Variants in MCHR2 observed in about 807,000 individuals in gnomAD.
MCHR2 encodes the protein melanin-concentrating hormone receptor 2.
MCHR2 carries 15 observed loss-of-function variants against 24.8 expected under a neutral mutation model. The observed-to-expected ratio is 0.60, with a 90% CI of 0.40 to 0.93. The LOEUF is 0.93. MCHR2 is among the 40% of genes least tolerant of loss of function. The pLI, the probability that MCHR2 is intolerant of heterozygous loss-of-function variation, is 0.00. For synonymous variants in MCHR2, 151 were observed against 147.6 expected (o/e 1.02, Z -0.17); for missense variants, 386 against 408.7 (o/e 0.94, Z 0.48).
chr6:99,972,305 G>A (rs1036138584), intron 1 of MCHR2, among the ~76,000 whole-genome samples: 18 of 152,028 alleles, frequency 1.2e-4, no homozygotes, highest in African/African-American at 3.4e-4. Context: ...TGTATGTGTC[G>A]AGGAATTTAT....
intron 1 of MCHR2, among the ~76,000 whole-genome samples, chr6:99,979,036 G>A (rs1775615389): frequency 6.6e-6 from 1 of 152,218 alleles, no homozygotes. Context: ...GTGGTAGGAG[G>A]TGGGGCGGAG....
chr6:99,971,351 GCTCT>G (rs1035020271), intron 1 of MCHR2, among the ~76,000 whole-genome samples: 8 of 151,160 alleles, frequency 5.3e-5, no homozygotes, highest in Middle Eastern at 3.4e-3. Flanking sequence ...TCATGATTTG[GCTCT>G]CTGTTTGTCT....
At chr6:99,933,376 T>C (rs924220490) in intron 5 of MCHR2, among the ~76,000 whole-genome samples, 1 of 152,186 alleles carries the variant, frequency 6.6e-6, no homozygotes, top group Admixed American at 6.5e-5. Flanking sequence ...TGTTGGTATC[T>C]TTAATATTCC....
chr6:99,940,041 G>A (rs1194018071), intron 4 of MCHR2, among the ~76,000 whole-genome samples: 2 of 151,660 alleles, frequency 1.3e-5, no homozygotes, highest in Non-Finnish European at 2.9e-5. Flanking sequence ...ACTTTTGAGA[G>A]TTTATTATAT....
Position 99,947,914 on chromosome 6 carries a change from C to T in MCHR2, c.240G>A (p.Leu80=). Residue 80 remains leucine, a synonymous_variant, in exon 3 of 6, where the codon TTG becomes TTA. Coordinates refer to ENST00000281806, the MANE Select transcript of MCHR2 (RefSeq NM_001040179.2). ...GAAAAGGCATTCCAACTATGTGGACCAAATCAGCCACAGCCAGGTTGCAGA... is the reference window on the plus strand; with the variant it reads ...GAAAAGGCATTCCAACTATGTGGACTAAATCAGCCACAGCCAGGTTGCAGA... ...IYICNLAVAD[L]VHIVGMPFLI... 3.7e-6 allele frequency: 6 copies of T among 1,613,694 alleles called. No homozygotes were observed. The highest frequency in any genetic ancestry group is 4.2e-6 in the Non-Finnish European group (5 of 1,179,780).
rs201596484 is a variant in MCHR2 at position 99,956,081 on chromosome 6, C to G, written c.67G>C (p.Glu23Gln). 1.2e-6 allele frequency: 2 copies of G among 1,613,310 alleles called. No individual in the cohort carries two copies. The highest frequency in any genetic ancestry group is 1.7e-6 in the Non-Finnish European group (2 of 1,179,594). ...AELLNKSWNK[E>Q]FAYQTASVVD... The stretch of plus-strand genomic sequence containing the variant: ...ACACTGGCAGTTTGATAAGCAAACT[C>G]TTTATTCCAGGATTTGTTTAAAAGT... Residue 23 changes from glutamate (E) to glutamine (Q), a missense_variant, in exon 2 of 6, where the codon GAG (glutamate) becomes CAG (glutamine). Glu to Gln is a conservative substitution (Grantham distance 29). Coordinates refer to ENST00000281806, the MANE Select transcript of MCHR2 (RefSeq NM_001040179.2).
chr6:99,925,225 T>C (rs1774324861), intron 5 of MCHR2, among the ~76,000 whole-genome samples: 1 of 152,146 alleles, frequency 6.6e-6, no homozygotes, highest in Non-Finnish European at 1.5e-5. Flanking sequence ...CTCCTGCTTT[T>C]TTTGGTTTCC....
At chr6:99,932,719 A>G (rs1157893797) in intron 5 of MCHR2, among the ~76,000 whole-genome samples, 1 of 152,192 alleles carries the variant, frequency 6.6e-6, no homozygotes, top group Non-Finnish European at 1.5e-5. Flanking sequence ...GCTCAAGACT[A>G]TGAAGGTCAT....
chr6:99,958,890 C>A (rs548654740), intron 1 of MCHR2, among the ~76,000 whole-genome samples: 1 of 152,270 alleles, frequency 6.6e-6, no homozygotes, highest in South Asian at 2.1e-4. Flanking sequence ...GTTTTTGTCT[C>A]ATCTATCTCA....
chr6:99,989,512 G>A (rs528193936), intron 1 of MCHR2, among the ~76,000 whole-genome samples: 2 of 152,232 alleles, frequency 1.3e-5, no homozygotes, highest in African/African-American at 4.8e-5. Flanking sequence ...TAAGTGAGTG[G>A]TAGGGCCAAA....
chr6:99,944,904 C>T (rs1774846790), intron 3 of MCHR2, among the ~76,000 whole-genome samples: 1 of 152,124 alleles, frequency 6.6e-6, no homozygotes, highest in Non-Finnish European at 1.5e-5. Flanking sequence ...TTGACTTCCT[C>T]AAGCTCTTCC....
intron 5 of MCHR2, among the ~76,000 whole-genome samples, chr6:99,930,473 C>T (rs1410190457): frequency 5.9e-5 from 9 of 152,320 alleles, no homozygotes; most frequent in African/African-American, 1.9e-4. Context: ...CTTTCAGGTA[C>T]ACCAATCAGA....
At chr6:99,976,108 A>T (rs1369671444) in intron 1 of MCHR2, among the ~76,000 whole-genome samples, 1 of 152,200 alleles carries the variant, frequency 6.6e-6, no homozygotes, top group East Asian at 1.9e-4. Context: ...AAAAGATATG[A>T]CAGCACATTA....
In MCHR2 at chr6:99,942,986, A is replaced by G; in HGVS notation, c.550T>C (p.Cys184Arg). The change falls in exon 4 of 6, where the codon TGT becomes CGT. Residue 184 changes from cysteine (C) to arginine (R), a missense_variant. Coordinates refer to ENST00000281806, the MANE Select transcript of MCHR2 (RefSeq NM_001040179.2). ...TCAGGGGATGTCAAATCAAAAGCAC[A>G]ACTCTCAACACCGTCTTTAAATTTG... ...VIKFKDGVES[C>R]AFDLTSPDDV... 6.2e-7 allele frequency: 1 copy of G among 1,612,562 alleles called. No individual in the cohort carries two copies. Among genetic ancestry groups the G allele is most frequent in the Non-Finnish European group, 8.5e-7 (1 of 1,179,076 alleles).
intron 1 of MCHR2, among the ~76,000 whole-genome samples, chr6:99,975,338 T>C (rs1775526322): frequency 6.6e-6 from 1 of 152,156 alleles, no homozygotes; most frequent in South Asian, 2.1e-4. Flanking sequence ...GTGCTAGGAA[T>C]CAGCGAGACT....
chr6:99,952,971 C>T lies in MCHR2; in HGVS notation c.182+2995G>A, dbSNP rs189977410. On this transcript the variant is annotated intron_variant, in intron 2 of 5. Coordinates refer to ENST00000281806, the MANE Select transcript of MCHR2 (RefSeq NM_001040179.2). ...ATAGATTTTTCTCAATATTGCAAACCAATTGGTCCGTACAATGGCTCAGGT... is the reference window on the plus strand; with the variant it reads ...ATAGATTTTTCTCAATATTGCAAACTAATTGGTCCGTACAATGGCTCAGGT... Among the ~76,000 whole-genome samples, 202 of 152,094 alleles carry T rather than the reference C, an allele frequency of 1.3e-3. 1 individual carries two copies. Among genetic ancestry groups the T allele is most frequent in the African/African-American group, 4.6e-3 (189 of 41,510 alleles).
intron 5 of MCHR2, among the ~76,000 whole-genome samples, chr6:99,927,588 C>G (rs1379436485): frequency 6.6e-6 from 1 of 152,024 alleles, no homozygotes. Flanking sequence ...ATTTTATTCT[C>G]TTTGAAGCAA....
Position 99,972,582 on chromosome 6 carries a change from G to T in MCHR2, c.-27-16408C>A, listed in dbSNP as rs571065874. On this transcript the variant is annotated intron_variant, in intron 1 of 5. Coordinates refer to ENST00000281806, the MANE Select transcript of MCHR2 (RefSeq NM_001040179.2). ...TTCCTTCAGTTCTGCTCTGATTTTA[G>T]TAATTTCTTGCCTTCTGCTAGCTTT... is the stretch of plus-strand genomic sequence containing the variant. Among the ~76,000 whole-genome samples, 739 of 152,234 alleles carry T rather than the reference G, an allele frequency of 4.9e-3. 9 individuals carry two copies. The highest frequency in any genetic ancestry group is 0.017 in the African/African-American group (718 of 41,532).
At chr6:99,932,596 ACTGT>A (rs1774569954) in intron 5 of MCHR2, among the ~76,000 whole-genome samples, 1 of 152,220 alleles carries the variant, frequency 6.6e-6, no homozygotes, top group African/African-American at 2.4e-5. Context: ...CCCCTGATAT[ACTGT>A]GATGAGAAGA....
Sources: allele counts gnomAD v4.1 joint callset (sites outside exome capture counted in the v4.1 genomes callset), GRCh38; gene constraint gnomAD v4.1.1; transcripts MANE v1.5; gene names NCBI Gene and HGNC (gene_info 2026-07-23, HGNC 2026-07-21).